ADCY8: variants seen among roughly 807,000 people sequenced by gnomAD.
ADCY8 encodes the protein adenylate cyclase 8.
In ADCY8, 51 loss-of-function variants were observed where a neutral mutation model predicts 119.7. The ratio of observed to expected loss-of-function variants is 0.43; its 90% CI spans 0.34 to 0.54. The LOEUF (loss-of-function observed/expected upper bound fraction) is 0.54, where lower values mean the gene tolerates loss of function less well. ADCY8 is among the 20% of genes least tolerant of loss of function. The probability of loss-of-function intolerance (pLI) is 0.03; values close to 1 mark genes in which losing one functional copy is unlikely to be tolerated. For synonymous variants in ADCY8, 665 were observed against 651.0 expected, an observed-to-expected ratio of 1.02 and a Z score of -0.33; for missense variants, 1,383 against 1,598.8, an observed-to-expected ratio of 0.87 and a Z score of 2.30.
chr8:131,007,339 T>G (rs1352103364), intron 1 of ADCY8, among the ~76,000 whole-genome samples: 1 of 152,128 alleles, frequency 6.6e-6, no homozygotes, highest in East Asian at 1.9e-4. Flanking sequence ...TACCTCCTTA[T>G]TAGTGATCTC....
chr8:130,931,948 G>A (rs896846667), intron 5 of ADCY8, among the ~76,000 whole-genome samples: 1 of 151,676 alleles, frequency 6.6e-6, no homozygotes, highest in Non-Finnish European at 1.5e-5. Context: ...ATTTCTTTAG[G>A]TTCAGTCACT....
chr8:130,808,976 C>CT (rs72599096), intron 14 of ADCY8, among the ~76,000 whole-genome samples: 2 of 11,138 alleles, frequency 1.8e-4, no homozygotes, highest in Non-Finnish European at 3.1e-4. Flanking sequence ...GATACTCAGG[C>CT]CGGACCTCCA....
At chr8:130,884,451 A>G in intron 8 of ADCY8, 113 bp downstream of exon 8, 1 of 1,153,690 alleles carries the variant, frequency 8.7e-7, no homozygotes, top group Non-Finnish European at 1.3e-6. Flanking sequence ...AAACCAAACC[A>G]AAGCAAACAA....
intron 1 of ADCY8, among the ~76,000 whole-genome samples, chr8:131,022,085 ATTCTT>A (rs1286410555): frequency 2.0e-5 from 3 of 152,054 alleles, no homozygotes; most frequent in Non-Finnish European, 4.4e-5. Context: ...TTATGTAATG[ATTCTT>A]TTCTTTTTCC....
intron 5 of ADCY8, among the ~76,000 whole-genome samples, chr8:130,930,488 C>T (rs1219725439): frequency 3.3e-5 from 5 of 152,010 alleles, no homozygotes; most frequent in East Asian, 3.9e-4. Context: ...CCTGACCTCA[C>T]GATCCACCCA....
chr8:131,008,807 T>G (rs534501429), intron 1 of ADCY8, among the ~76,000 whole-genome samples: 4 of 152,324 alleles, frequency 2.6e-5, no homozygotes. Flanking sequence ...GATAGTGATA[T>G]GGACAATGAA....
intron 15 of ADCY8, among the ~76,000 whole-genome samples, chr8:130,795,776 C>T (rs1586420921): frequency 6.6e-6 from 1 of 151,558 alleles, no homozygotes; most frequent in South Asian, 2.1e-4. Context: ...AGGTGCTTGG[C>T]TTTGGTGTGT....
chr8:130,827,466 G>A (rs1164931474), intron 12 of ADCY8, among the ~76,000 whole-genome samples: 4 of 152,106 alleles, frequency 2.6e-5, no homozygotes, highest in South Asian at 2.1e-4. Flanking sequence ...ATACCTGATC[G>A]AACCAATCTG....
chr8:130,923,816 C>G (rs1395310672), intron 5 of ADCY8, among the ~76,000 whole-genome samples: 2 of 152,304 alleles, frequency 1.3e-5, no homozygotes, highest in East Asian at 3.9e-4. Context: ...TACATTCAAT[C>G]TCTTTTTTGC....
At chr8:131,028,522 G>A (rs1191090999) in intron 1 of ADCY8, among the ~76,000 whole-genome samples, 1 of 150,788 alleles carries the variant, frequency 6.6e-6, no homozygotes, top group Non-Finnish European at 1.5e-5. Context: ...TGCTCTTAGT[G>A]ATTTTTTTTC....
In ADCY8 at chr8:130,881,959, T is replaced by C. The variant is rs144160213; in HGVS notation, c.2109+2605A>G. On this transcript the variant is annotated intron_variant, in intron 8 of 17. Coordinates refer to ENST00000286355, the MANE Select transcript of ADCY8 (RefSeq NM_001115.3). ...GAGCTTCTTCCCTTTATTAAATCAA[T>C]ACCAGGGTATAGGCATATGGGTTTC... Among the ~76,000 whole-genome samples the C allele has an allele frequency of 2.1e-3, 314 of 151,972 alleles. 1 individual carries two copies. Among genetic ancestry groups the C allele is most frequent in the Non-Finnish European group, 3.9e-3 (262 of 67,958 alleles).
At chr8:130,992,192 G>A (rs1383296937) in intron 1 of ADCY8, among the ~76,000 whole-genome samples, 1 of 150,236 alleles carries the variant, frequency 6.7e-6, no homozygotes, top group Non-Finnish European at 1.5e-5. Flanking sequence ...TGATTCTCCT[G>A]CCTCAGCCTC....
At chr8:130,990,911 A>T (rs1046893176) in intron 1 of ADCY8, 2 of 160,988 alleles carry the variant, frequency 1.2e-5, no homozygotes, top group African/African-American at 2.4e-5. Context: ...GGTGGGAATA[A>T]AAAGAAGAGA....
At chr8:130,858,208 C>G (rs1388417870) in intron 9 of ADCY8, among the ~76,000 whole-genome samples, 2 of 152,128 alleles carry the variant, frequency 1.3e-5, no homozygotes, top group African/African-American at 2.4e-5. Context: ...TACTTCAAGA[C>G]CATAATCTAG....
At chr8:131,004,028 A>G (rs1401502321) in intron 1 of ADCY8, among the ~76,000 whole-genome samples, 2 of 152,136 alleles carry the variant, frequency 1.3e-5, no homozygotes, top group African/African-American at 4.8e-5. Flanking sequence ...TTCCTCCCCC[A>G]CCATGCTGGA....
intron 5 of ADCY8, among the ~76,000 whole-genome samples, chr8:130,923,065 C>A (rs1230832337): frequency 6.6e-6 from 1 of 152,062 alleles, no homozygotes; most frequent in African/African-American, 2.4e-5. Context: ...TTCATTATTA[C>A]AAATAATTTT....
At position 130,807,051 on chromosome 8, in the gene ADCY8, AGCTAT is replaced by A. The variant is rs142001224; in HGVS notation, c.2914-6484_2914-6480del. 1.7e-3 allele frequency among the ~76,000 whole-genome samples: 257 copies of A among 152,324 alleles called. 2 individuals carry two copies. The highest frequency in any genetic ancestry group is 6.8e-3 in the Middle Eastern group (2 of 294). On this transcript the variant is annotated intron_variant, in intron 14 of 17. Coordinates refer to ENST00000286355, the MANE Select transcript of ADCY8 (RefSeq NM_001115.3). ...GGGGAGGAATTGATGAATATAGAAA[AGCTAT>A]TATTGGTTTATTGTGATCTTCCTCT...
chr8:130,934,206 A>G (rs1820717993), intron 5 of ADCY8, among the ~76,000 whole-genome samples: 1 of 152,212 alleles, frequency 6.6e-6, no homozygotes, highest in Admixed American at 6.5e-5. Flanking sequence ...TTGCATTGCT[A>G]TAAAGAACTA....
intron 2 of ADCY8, among the ~76,000 whole-genome samples, chr8:130,985,626 A>C (rs569965412): frequency 4.6e-5 from 7 of 152,282 alleles, no homozygotes; most frequent in African/African-American, 1.7e-4. Context: ...TTTTAGGTCA[A>C]CCTTGATTCT....
Sources: gnomAD v4.1 joint callset for allele counts (sites outside exome capture counted in the v4.1 genomes callset) on GRCh38, gnomAD v4.1.1 for gene constraint, MANE v1.5 for transcripts, NCBI Gene and HGNC (gene_info 2026-07-23, HGNC 2026-07-21) for gene names.